CASK: variants seen among roughly 807,000 people sequenced by gnomAD.
CASK encodes peripheral plasma membrane protein CASK.
A neutral mutation model predicts 82.9 loss-of-function variants in CASK; 4 were observed. The observed-to-expected ratio is 0.05, with a 90% confidence interval of 0.02 to 0.11. The LOEUF (loss-of-function observed/expected upper bound fraction) is 0.11, where lower values mean the gene tolerates loss of function less well. CASK is among the 10% of genes least tolerant of loss of function. The probability of loss-of-function intolerance (pLI) is 1.00; values close to 1 mark genes in which losing one functional copy is unlikely to be tolerated. For synonymous variants in CASK, 259 were observed against 253.5 expected (o/e 1.02, Z -0.20); for missense variants, 358 against 720.9 (o/e 0.50, Z 5.76).
intron 12 of CASK, among the ~76,000 whole-genome samples, chrX:41,590,606 A>C (rs958126786): frequency 7.2e-5 from 8 of 110,664 alleles, no homozygotes; most frequent in African/African-American, 2.6e-4. Context: ...TGAAGAACAT[A>C]CATTTAATTA....
intron 24 of CASK, 113 bp downstream of exon 24, chrX:41,534,589 TACAA>T: frequency 3.5e-6 from 2 of 576,462 alleles, no homozygotes; most frequent in Admixed American, 3.2e-5. Flanking sequence ...TTTTTGATTT[TACAA>T]ATTTCCTACA....
chrX:41,642,344 T>G (rs1325828526), intron 8 of CASK, among the ~76,000 whole-genome samples: 1 of 112,193 alleles, frequency 8.9e-6, no homozygotes, highest in Non-Finnish European at 1.9e-5. Context: ...ATGGTTGAAC[T>G]AGTTTACAGT....
intron 3 of CASK, among the ~76,000 whole-genome samples, chrX:41,760,837 G>C (rs772734674): frequency 1.6e-4 from 18 of 111,534 alleles, no homozygotes; most frequent in Non-Finnish European, 2.4e-4. Flanking sequence ...GGATGTATTA[G>C]TTCAGCTAGT....
intron 5 of CASK, among the ~76,000 whole-genome samples, chrX:41,720,950 C>T (rs1051669909): frequency 1.8e-5 from 2 of 112,058 alleles, no homozygotes; most frequent in Non-Finnish European, 3.8e-5. Flanking sequence ...ACACTTGATA[C>T]ACAAATCCAT....
At chrX:41,577,970 T>A (rs181319237) in intron 15 of CASK, among the ~76,000 whole-genome samples, 1 of 112,317 alleles carries the variant, frequency 8.9e-6, no homozygotes, top group East Asian at 2.8e-4. Flanking sequence ...TATAAAAGGA[T>A]GATTTTTACA....
At chrX:41,535,267 C>T (rs911105662) in intron 22 of CASK, among the ~76,000 whole-genome samples, 4 of 110,823 alleles carry the variant, frequency 3.6e-5, no homozygotes, top group African/African-American at 1.3e-4. Flanking sequence ...ATGTAGTATC[C>T]AACAAATCAT....
intron 1 of CASK, among the ~76,000 whole-genome samples, chrX:41,889,248 T>C (rs2072118275): frequency 9.0e-6 from 1 of 111,222 alleles, no homozygotes; most frequent in Admixed American, 9.5e-5. Flanking sequence ...GTGGTTGTAC[T>C]AATTTACATT....
chrX:41,550,478 T>A (rs1333665610), intron 21 of CASK, among the ~76,000 whole-genome samples: 1 of 111,838 alleles, frequency 8.9e-6, no homozygotes, highest in East Asian at 2.8e-4. Context: ...GTGTGACCAC[T>A]GAGATTCTAA....
At chrX:41,593,893 T>C (rs2065780796) in intron 12 of CASK, among the ~76,000 whole-genome samples, 2 of 112,369 alleles carry the variant, frequency 1.8e-5, no homozygotes. Context: ...ATCTGCATAT[T>C]ATATGCTGCC....
intron 5 of CASK, among the ~76,000 whole-genome samples, chrX:41,709,427 G>T (rs927806246): frequency 3.6e-5 from 4 of 111,641 alleles, no homozygotes; most frequent in African/African-American, 1.3e-4. Flanking sequence ...GGGATAGCTG[G>T]TCTCCTTATT....
At chrX:41,620,381 A>G (rs1255805047) in intron 11 of CASK, among the ~76,000 whole-genome samples, 1 of 112,053 alleles carries the variant, frequency 8.9e-6, no homozygotes, top group African/African-American at 3.2e-5. Context: ...GAAACTCAGC[A>G]TCACTGAGCA....
rs145909247 is a variant in CASK, at chrX:41,826,737, A to G, written c.172+26378T>C. 3.6e-5 allele frequency among the ~76,000 whole-genome samples: 4 copies of G among 112,136 alleles called. No individual in the cohort carries two copies. The East Asian group carries it at 1.1e-3, about 31-fold the overall frequency. On this transcript the variant is annotated intron_variant, in intron 2 of 26. Coordinates refer to ENST00000378163, the MANE Select transcript of CASK (RefSeq NM_001367721.1). Reference sequence around the variant, plus strand: ...AGTGATCTGCCCACCTCGACTTCCCAAAGTGCTGGGATTACAGGTGTGAGC... The same window carrying G: ...AGTGATCTGCCCACCTCGACTTCCCGAAGTGCTGGGATTACAGGTGTGAGC...
chrX:41,711,727 C>T (rs777924701), intron 5 of CASK, among the ~76,000 whole-genome samples: 8 of 110,854 alleles, frequency 7.2e-5, no homozygotes, highest in Admixed American at 5.8e-4. Flanking sequence ...GTGGTGTCTT[C>T]GCTTTAACCT....
intron 1 of CASK, among the ~76,000 whole-genome samples, chrX:41,912,818 T>A (rs1569482028): frequency 9.9e-6 from 1 of 100,655 alleles, no homozygotes; most frequent in African/African-American, 3.5e-5. Context: ...AAAATATATA[T>A]AAAAATATAT....
intron 3 of CASK, among the ~76,000 whole-genome samples, chrX:41,771,960 C>T (rs2069251722): frequency 9.0e-6 from 1 of 111,169 alleles, no homozygotes; most frequent in Non-Finnish European, 1.9e-5. Context: ...AAGGTTGAAA[C>T]TAAAAGGGAA....
At chrX:41,687,446 T>C (rs2067461987) in intron 5 of CASK, among the ~76,000 whole-genome samples, 1 of 112,032 alleles carries the variant, frequency 8.9e-6, no homozygotes, top group Admixed American at 9.4e-5. Flanking sequence ...GAAATAAACA[T>C]GTCACAAAAG....
intron 9 of CASK, among the ~76,000 whole-genome samples, chrX:41,631,663 G>A (rs954438834): frequency 4.6e-4 from 50 of 109,139 alleles, no homozygotes; most frequent in African/African-American, 1.5e-3. Context: ...TAGAGATGGC[G>A]TTTCTCCATG....
chrX:41,797,591 A>G (rs1338950390), intron 2 of CASK, among the ~76,000 whole-genome samples: 1 of 111,915 alleles, frequency 8.9e-6, no homozygotes, highest in Non-Finnish European at 1.9e-5. Flanking sequence ...ATCAAAGTGT[A>G]TGTATCACTG....
intron 1 of CASK, among the ~76,000 whole-genome samples, chrX:41,866,643 T>G (rs2071596651): frequency 8.9e-6 from 1 of 112,129 alleles, no homozygotes; most frequent in African/African-American, 3.2e-5. Context: ...ACCTATTTTA[T>G]TCTGGCTAGC....
Sources: allele counts gnomAD v4.1 joint callset (sites outside exome capture counted in the v4.1 genomes callset), GRCh38; gene constraint gnomAD v4.1.1; transcripts MANE v1.5; gene names NCBI Gene and HGNC (gene_info 2026-07-23, HGNC 2026-07-21).